Variants in PLPPR1 observed in about 807,000 individuals in gnomAD.
The protein encoded by PLPPR1 is phospholipid phosphatase-related protein type 1.
In PLPPR1, 10 loss-of-function variants were observed where a neutral mutation model predicts 33.1. That is an observed-to-expected ratio of 0.30 (90% CI 0.19 to 0.51). PLPPR1 has a LOEUF of 0.51. Among genes scored for constraint, PLPPR1 ranks in the 20% least tolerant of loss-of-function variants. The pLI is 0.97. For missense variants in PLPPR1, 304 were observed against 408.1 expected, an observed-to-expected ratio of 0.74 and a Z score of 2.20; for synonymous variants, 151 against 151.0, an observed-to-expected ratio of 1.00 and a Z score of 0.00.
intron 1 of PLPPR1, among the ~76,000 whole-genome samples, chr9:101,053,523 T>C (rs564924140): frequency 2.0e-5 from 3 of 152,368 alleles, no homozygotes; most frequent in Admixed American, 1.3e-4. Flanking sequence ...GTGGAATCTC[T>C]GTGTCCTTCA....
At position 101,173,605 on chromosome 9, in the gene PLPPR1, A is replaced by G. The variant is rs1564165649; in HGVS notation, c.-45-11845A>G. Among the ~76,000 whole-genome samples, 3 of 152,112 alleles carry G rather than the reference A, an allele frequency of 2.0e-5. No individual in the cohort carries two copies. The South Asian group carries it at 6.2e-4, about 32-fold the overall frequency. Reference sequence around the variant, plus strand: ...TCCCTCTGTTAGGTATTAGGCAGGAATATGGTTGTCCCCTTGGCTAAAACT... The same window carrying G: ...TCCCTCTGTTAGGTATTAGGCAGGAGTATGGTTGTCCCCTTGGCTAAAACT... On this transcript the variant is annotated intron_variant, in intron 1 of 7. Transcript: ENST00000374874.
intron 1 of PLPPR1, among the ~76,000 whole-genome samples, chr9:101,065,562 A>G (rs1023047129): frequency 6.6e-6 from 1 of 152,090 alleles, no homozygotes; most frequent in African/African-American, 2.4e-5. Context: ...ACAATTCTGT[A>G]GGAAGAAATT....
chr9:101,054,572 C>G (rs1005798601), intron 1 of PLPPR1, among the ~76,000 whole-genome samples: 1 of 152,164 alleles, frequency 6.6e-6, no homozygotes, highest in Non-Finnish European at 1.5e-5. Flanking sequence ...ACAAACCCTT[C>G]TTTTAGACAG....
intron 2 of PLPPR1, among the ~76,000 whole-genome samples, chr9:101,213,350 T>C (rs1564177372): frequency 6.6e-6 from 1 of 152,158 alleles, no homozygotes; most frequent in African/African-American, 2.4e-5. Context: ...CAGAAAGAGA[T>C]AAAATCCTTA....
At chr9:101,252,947 T>C (rs983032685) in intron 2 of PLPPR1, among the ~76,000 whole-genome samples, 2 of 152,126 alleles carry the variant, frequency 1.3e-5, no homozygotes, top group Non-Finnish European at 1.5e-5. Flanking sequence ...TTTCATTACC[T>C]AAGTCCCTAA....
chr9:101,137,828 A>AT (rs764790466), intron 1 of PLPPR1, among the ~76,000 whole-genome samples: 1 of 152,182 alleles, frequency 6.6e-6, no homozygotes, highest in Non-Finnish European at 1.5e-5. Flanking sequence ...TCCATGCCTG[A>AT]TTTGATTCCC....
At chr9:101,216,714 C>G (rs1826802887) in intron 2 of PLPPR1, among the ~76,000 whole-genome samples, 1 of 152,172 alleles carries the variant, frequency 6.6e-6, no homozygotes, top group South Asian at 2.1e-4. Flanking sequence ...ACATCAGCAC[C>G]ATTGATATTT....
At chr9:101,322,017 G>A (rs1350626891) in intron 7 of PLPPR1, among the ~76,000 whole-genome samples, 1 of 148,576 alleles carries the variant, frequency 6.7e-6, no homozygotes, top group African/African-American at 2.5e-5. Context: ...GGCCAACATG[G>A]TGAAACCCCG....
intron 2 of PLPPR1, among the ~76,000 whole-genome samples, chr9:101,233,727 C>G: frequency 6.6e-6 from 1 of 151,872 alleles, no homozygotes; most frequent in African/African-American, 2.4e-5. Context: ...TCTCACCCTC[C>G]AGGACTGTCC....
intron 1 of PLPPR1, among the ~76,000 whole-genome samples, chr9:101,051,134 C>T (rs1212516518): frequency 6.6e-6 from 1 of 152,130 alleles, no homozygotes; most frequent in Non-Finnish European, 1.5e-5. Context: ...TTCTGTTCTT[C>T]ACAACATTCA....
chr9:101,269,948 T>C lies in PLPPR1; in HGVS notation c.132T>C (p.His44=). 1 of 1,614,178 alleles carries C rather than the reference T, an allele frequency of 6.2e-7. No individual in the cohort carries two copies. Among genetic ancestry groups the C allele is most frequent in the Non-Finnish European group, 8.5e-7 (1 of 1,180,028 alleles). ...AATGCACTGACACTTTTCAGGTGCA[T>C]ATCCAAGGATTCTTCTGTCAGGACG... ...YFECTDTFQV[H]IQGFFCQDGD... is the part of the protein sequence containing the mutation. Residue 44 remains histidine (H), a synonymous_variant, in exon 3 of 8, where the codon CAT becomes CAC. Coordinates refer to ENST00000374874, the MANE Select transcript of PLPPR1 (RefSeq NM_207299.2).
At chr9:101,297,606 A>G (rs979022539) in intron 4 of PLPPR1, among the ~76,000 whole-genome samples, 1 of 152,208 alleles carries the variant, frequency 6.6e-6, no homozygotes, top group Non-Finnish European at 1.5e-5. Flanking sequence ...CTTTAAGCAT[A>G]AAACATCATA....
intron 1 of PLPPR1, among the ~76,000 whole-genome samples, chr9:101,183,536 A>G (rs1188280688): frequency 6.6e-6 from 1 of 151,750 alleles, no homozygotes; most frequent in African/African-American, 2.4e-5. Context: ...GTAAATAGAC[A>G]TGATAATTCT....
chr9:101,153,660 C>T lies in PLPPR1; in HGVS notation c.-45-31790C>T, dbSNP rs548417122. On this transcript the variant is annotated intron_variant, in intron 1 of 7. Transcript: ENST00000374874. ...CACAATGTTGGCTCACTGCAAGCTC[C>T]GACTCCCGGGTTCACACCATTCTTC... 1.2e-3 allele frequency among the ~76,000 whole-genome samples: 178 copies of T among 152,224 alleles called. 4 individuals carry two copies. In the Middle Eastern group the frequency reaches 0.014, roughly 12 times the overall value.
intron 2 of PLPPR1, among the ~76,000 whole-genome samples, chr9:101,195,783 A>G (rs2118736660): frequency 6.6e-6 from 1 of 152,278 alleles, no homozygotes; most frequent in Non-Finnish European, 1.5e-5. Context: ...TGGTAACATC[A>G]CGTGTTCCCT....
intron 1 of PLPPR1, among the ~76,000 whole-genome samples, chr9:101,056,842 G>A (rs1305588364): frequency 1.3e-5 from 2 of 152,146 alleles, no homozygotes; most frequent in African/African-American, 4.8e-5. Context: ...GTTTAGAAAT[G>A]GGGATGGAGT....
In PLPPR1 at chr9:101,156,537, G is replaced by C. The variant is rs539094094; in HGVS notation, c.-45-28913G>C. 2.6e-5 allele frequency among the ~76,000 whole-genome samples: 3 copies of C among 114,406 alleles called. No individual in the cohort carries two copies. In the South Asian group the frequency reaches 8.9e-4, roughly 34 times the overall value. 75.1% of individuals were successfully genotyped at this position (114,406 alleles called of 152,430 possible). A position where few individuals can be genotyped will look rare whatever the true frequency, so the allele number is the denominator to read the frequency against. On this transcript the variant is annotated intron_variant, in intron 1 of 7. Transcript: ENST00000374874. ...TTGCACTCCAGCCTGGGTGATGGGA[G>C]TCAAACCCTGTCTCCAAAAAAAAAA... is the stretch of plus-strand genomic sequence containing the variant.
chr9:101,109,206 C>T lies in PLPPR1; in HGVS notation c.-45-76244C>T, dbSNP rs530062315. ...AGCCAGGATGGTCTCTATCTCCTGA[C>T]GTCACGATCCGCCGGCCTCGGCCTC... On this transcript the variant is annotated intron_variant, in intron 1 of 7. Coordinates refer to ENST00000374874, the MANE Select transcript of PLPPR1 (RefSeq NM_207299.2). Among the ~76,000 whole-genome samples, 14 of 146,426 alleles carry T rather than the reference C, an allele frequency of 9.6e-5. No homozygotes were observed. The South Asian group carries it at 1.5e-3, about 16-fold the overall frequency.
At chr9:101,321,141 G>T (rs568302090) in intron 7 of PLPPR1, among the ~76,000 whole-genome samples, 2 of 152,318 alleles carry the variant, frequency 1.3e-5, no homozygotes, top group South Asian at 2.1e-4. Context: ...TTCCCAGCAT[G>T]TGGACCTTTT....
Sources: gnomAD v4.1 joint callset for allele counts (sites outside exome capture counted in the v4.1 genomes callset) on GRCh38, gnomAD v4.1.1 for gene constraint, MANE v1.5 for transcripts, NCBI Gene and HGNC (gene_info 2026-07-23, HGNC 2026-07-21) for gene names.